GPHN: variants seen among roughly 807,000 people sequenced by gnomAD.
GPHN encodes the protein gephyrin.
A neutral mutation model predicts 95.5 loss-of-function variants in GPHN; 17 were observed. That is an observed-to-expected ratio of 0.18 (90% CI 0.12 to 0.27). GPHN has a LOEUF of 0.27. Among genes scored for constraint, GPHN ranks in the 10% least tolerant of loss-of-function variants. The probability of loss-of-function intolerance (pLI) is 1.00; values close to 1 mark genes in which losing one functional copy is unlikely to be tolerated. For synonymous variants in GPHN, 320 were observed against 322.5 expected (o/e 0.99, Z 0.08); for missense variants, 660 against 978.1 (o/e 0.67, Z 4.34).
chr14:66,876,161 A>T (rs2063653874), intron 4 of GPHN, among the ~76,000 whole-genome samples: 1 of 152,234 alleles, frequency 6.6e-6, no homozygotes, highest in Non-Finnish European at 1.5e-5. Context: ...TGGGTAAATA[A>T]CAAAATTAAG....
the GPHN span, among the ~76,000 whole-genome samples, chr14:67,213,588 A>C: frequency 6.6e-6 from 1 of 152,124 alleles, no homozygotes; most frequent in African/African-American, 2.4e-5. Context: ...GCTTGGTTCC[A>C]AGTCTTTGCT....
intron 5 of GPHN, among the ~76,000 whole-genome samples, chr14:66,889,327 G>GAT (rs1365226306): frequency 6.6e-6 from 1 of 152,102 alleles, no homozygotes; most frequent in Non-Finnish European, 1.5e-5. Flanking sequence ...CATTCTCCAA[G>GAT]ATAGAGCACA....
intron 1 of GPHN, among the ~76,000 whole-genome samples, chr14:66,526,460 A>G (rs2058696677): frequency 6.6e-6 from 1 of 152,184 alleles, no homozygotes; most frequent in Non-Finnish European, 1.5e-5. Flanking sequence ...TCCTATTTGA[A>G]TACACTTTAT....
At chr14:67,604,545 AAAAAC>A in the GPHN span, among the ~76,000 whole-genome samples, 1 of 152,040 alleles carries the variant, frequency 6.6e-6, no homozygotes, top group Non-Finnish European at 1.5e-5. Context: ...ACAAAAAACA[AAAAAC>A]AAAAAGCTGG....
chr14:67,623,099 T>A, the GPHN span, among the ~76,000 whole-genome samples: 1 of 152,228 alleles, frequency 6.6e-6, no homozygotes, highest in Non-Finnish European at 1.5e-5. Flanking sequence ...TACAATTATA[T>A]CCTTACTGTG....
chr14:66,962,181 G>A (rs1045236908), intron 8 of GPHN, among the ~76,000 whole-genome samples: 2 of 150,520 alleles, frequency 1.3e-5, no homozygotes, highest in Admixed American at 6.6e-5. Flanking sequence ...CTACCATCCT[G>A]TTCTTCATAA....
chr14:67,167,797 A>G (rs1463304619), intron 20 of GPHN, among the ~76,000 whole-genome samples: 2 of 152,236 alleles, frequency 1.3e-5, no homozygotes, highest in African/African-American at 2.4e-5. Flanking sequence ...CTTTCATTTC[A>G]TAGATGAGTA....
intron 5 of GPHN, among the ~76,000 whole-genome samples, chr14:66,891,808 A>C (rs928474634): frequency 4.1e-4 from 63 of 152,164 alleles, no homozygotes; most frequent in African/African-American, 1.4e-3. Flanking sequence ...CTATTTAAAA[A>C]CAGGCAGAAG....
At chr14:66,946,768 T>TA (rs1360859958) in intron 8 of GPHN, among the ~76,000 whole-genome samples, 1 of 152,190 alleles carries the variant, frequency 6.6e-6, no homozygotes, top group African/African-American at 2.4e-5. Context: ...TTTTCATAGA[T>TA]AAAAAACTAG....
intron 1 of GPHN, among the ~76,000 whole-genome samples, chr14:66,645,012 A>G (rs1013927882): frequency 2.6e-5 from 4 of 152,098 alleles, no homozygotes; most frequent in African/African-American, 4.8e-5. Flanking sequence ...CTTTCCCAAT[A>G]TATAGGAAAA....
At chr14:67,633,695 T>A in the GPHN span, among the ~76,000 whole-genome samples, 1 of 152,214 alleles carries the variant, frequency 6.6e-6, no homozygotes, top group South Asian at 2.1e-4. Context: ...CCACGGTTGT[T>A]CCCCACCACA....
intron 2 of GPHN, among the ~76,000 whole-genome samples, chr14:66,725,745 C>T (rs534501859): frequency 6.6e-6 from 1 of 152,224 alleles, no homozygotes; most frequent in African/African-American, 2.4e-5. Context: ...ATACAGAATA[C>T]TGAATCCAGT....
the GPHN span, among the ~76,000 whole-genome samples, chr14:67,389,612 A>G: frequency 6.6e-5 from 10 of 152,038 alleles, no homozygotes; most frequent in African/African-American, 2.4e-4. Flanking sequence ...ATTTACATGT[A>G]TATGTATTTA....
At chr14:67,251,505 C>T in the GPHN span, among the ~76,000 whole-genome samples, 1 of 151,992 alleles carries the variant, frequency 6.6e-6, no homozygotes, top group African/African-American at 2.4e-5. Flanking sequence ...TGCACTTCAG[C>T]CTGGTCAACA....
chr14:67,087,584 A>C (rs1182309196), intron 11 of GPHN, among the ~76,000 whole-genome samples: 1 of 152,178 alleles, frequency 6.6e-6, no homozygotes, highest in Non-Finnish European at 1.5e-5. Context: ...CTTCCAATTC[A>C]GGTGCCAAAA....
intron 1 of GPHN, among the ~76,000 whole-genome samples, chr14:66,666,784 A>G (rs1295929225): frequency 6.6e-6 from 1 of 152,202 alleles, no homozygotes; most frequent in Admixed American, 6.5e-5. Context: ...ATTTCTGGCC[A>G]GAGCAATCAG....
the GPHN span, among the ~76,000 whole-genome samples, chr14:67,256,355 T>C: frequency 1.3e-5 from 2 of 152,294 alleles, no homozygotes; most frequent in East Asian, 3.9e-4. Flanking sequence ...CTTCATGCTC[T>C]AGTAGTCACA....
At chr14:67,235,670 G>A in the GPHN span, among the ~76,000 whole-genome samples, 1 of 151,750 alleles carries the variant, frequency 6.6e-6, no homozygotes, top group Non-Finnish European at 1.5e-5. Flanking sequence ...AGTCGAGATC[G>A]CGCCACTGCA....
At chr14:67,429,805 T>C in the GPHN span, among the ~76,000 whole-genome samples, 1 of 152,152 alleles carries the variant, frequency 6.6e-6, no homozygotes, top group Non-Finnish European at 1.5e-5. Flanking sequence ...TTTTACCGCA[T>C]GCCAGATACA....
Sources: allele counts gnomAD v4.1 joint callset (sites outside exome capture counted in the v4.1 genomes callset), GRCh38; gene constraint gnomAD v4.1.1; transcripts MANE v1.5; gene names NCBI Gene and HGNC (gene_info 2026-07-23, HGNC 2026-07-21).